The following ZC3H12C variants were observed in gnomAD, a reference collection of about 807,000 sequenced individuals.
ZC3H12C encodes the protein zinc finger CCCH-type containing 12C.
ZC3H12C carries 20 observed loss-of-function variants against 76.3 expected under a neutral mutation model. That is an observed-to-expected ratio of 0.26 (90% confidence interval 0.18 to 0.38). The LOEUF is 0.38. ZC3H12C is among the 10% of genes least tolerant of loss of function. The pLI, the probability that ZC3H12C is intolerant of heterozygous loss-of-function variation, is 1.00. For synonymous variants in ZC3H12C, 352 were observed against 399.6 expected, an observed-to-expected ratio of 0.88 and a Z score of 1.42; for missense variants, 874 against 1,086.5, an observed-to-expected ratio of 0.80 and a Z score of 2.75.
At chr11:110,119,004 T>C (rs1253064422) in intron 1 of ZC3H12C, among the ~76,000 whole-genome samples, 1 of 152,132 alleles carries the variant, frequency 6.6e-6, no homozygotes, top group Non-Finnish European at 1.5e-5. Flanking sequence ...TTAAAACTTG[T>C]CAAAGCAATT....
intron 1 of ZC3H12C, among the ~76,000 whole-genome samples, chr11:110,129,214 A>G (rs1861814931): frequency 6.6e-6 from 1 of 152,210 alleles, no homozygotes; most frequent in Non-Finnish European, 1.5e-5. Flanking sequence ...CATTTTTAGA[A>G]TGGCATACAT....
chr11:110,162,632 C>T (rs1027455548), intron 4 of ZC3H12C, among the ~76,000 whole-genome samples: 4 of 152,182 alleles, frequency 2.6e-5, no homozygotes, highest in African/African-American at 4.8e-5. Flanking sequence ...AACTGAGAAG[C>T]GCATTCAAAT....
At chr11:110,150,727 G>A (rs1426758263) in intron 2 of ZC3H12C, among the ~76,000 whole-genome samples, 1 of 151,824 alleles carries the variant, frequency 6.6e-6, no homozygotes, top group Admixed American at 6.6e-5. Context: ...CTTATTAAAT[G>A]TTTTCTTCTT....
At chr11:110,110,155 A>C (rs1861401729) in intron 1 of ZC3H12C, among the ~76,000 whole-genome samples, 3 of 152,146 alleles carry the variant, frequency 2.0e-5, no homozygotes, top group African/African-American at 7.2e-5. Flanking sequence ...AGGCCTGTGG[A>C]TAGGAGAAAT....
intron 1 of ZC3H12C, among the ~76,000 whole-genome samples, chr11:110,115,272 GTTTA>G (rs1019075323): frequency 5.9e-5 from 9 of 151,332 alleles, no homozygotes; most frequent in South Asian, 2.1e-4. Context: ...CACCCAGCTA[GTTTA>G]TTTATTTTTA....
intron 2 of ZC3H12C, among the ~76,000 whole-genome samples, chr11:110,145,414 C>G (rs1272066385): frequency 6.6e-6 from 1 of 152,158 alleles, no homozygotes; most frequent in East Asian, 1.9e-4. Flanking sequence ...TTTAGCTCTC[C>G]TAATTTCCAG....
At chr11:110,139,933 ATATATTT>A (rs1862040382) in intron 2 of ZC3H12C, among the ~76,000 whole-genome samples, 1 of 140,972 alleles carries the variant, frequency 7.1e-6, no homozygotes. Context: ...CAGTGGCATG[ATATATTT>A]TCTTAAATGA....
Position 110,165,503 on chromosome 11 carries a change from G to T in ZC3H12C, c.2418G>T (p.Gln806His). 1 of 1,613,978 alleles carries T rather than the reference G, an allele frequency of 6.2e-7. No homozygotes were observed. The highest frequency in any genetic ancestry group is 8.5e-7 in the Non-Finnish European group (1 of 1,179,878). ...PDNSTQPCYE[Q>H]FTFQSLPEQQ... ...ACTCCACACAGCCGTGTTATGAGCA[G>T]TTCACCTTCCAGAGCCTCCCTGAGC... is the stretch of plus-strand genomic sequence containing the variant. Residue 806 changes from glutamine (Q) to histidine (H), a missense_variant, in exon 6 of 6, where the codon CAG (glutamine) becomes CAT (histidine). Transcript: ENST00000278590.
intron 1 of ZC3H12C, among the ~76,000 whole-genome samples, chr11:110,117,758 TAC>T (rs149449800): frequency 0.37 from 49,140 of 132,754 alleles, 9,884 homozygotes; most frequent in East Asian, 0.67. Context: ...ATATTATATA[TAC>T]ACACACACAT....
chr11:110,151,572 C>A (rs955591302), intron 2 of ZC3H12C, among the ~76,000 whole-genome samples: 2 of 152,158 alleles, frequency 1.3e-5, no homozygotes, highest in African/African-American at 4.8e-5. Flanking sequence ...TCTAGAGATA[C>A]CATTTTCTAC....
intron 3 of ZC3H12C, among the ~76,000 whole-genome samples, chr11:110,157,035 C>T (rs1032037948): frequency 2.0e-5 from 3 of 151,888 alleles, no homozygotes; most frequent in East Asian, 1.9e-4. Context: ...AAAAATTAGC[C>T]GGGCATGGTG....
chr11:110,157,215 C>T (rs12292417), intron 3 of ZC3H12C, among the ~76,000 whole-genome samples: 8,172 of 151,562 alleles, frequency 0.054, 742 homozygotes, highest in African/African-American at 0.19. Context: ...GCAGTTACAT[C>T]TATTGAACAA....
intron 1 of ZC3H12C, among the ~76,000 whole-genome samples, chr11:110,130,441 T>G (rs1162385764): frequency 1.3e-5 from 2 of 152,234 alleles, no homozygotes; most frequent in Non-Finnish European, 1.5e-5. Flanking sequence ...CATTTTCCAC[T>G]ATTTCCAGGG....
rs1026607 is a variant in ZC3H12C at position 110,164,576 on chromosome 11, A to G, written c.1491A>G (p.Thr497=). The G allele has an allele frequency of 0.25, 404,885 of 1,613,784 alleles. 51,518 individuals carry two copies. The highest frequency in any genetic ancestry group is 0.35 in the Middle Eastern group (2,108 of 6,062). Residue 497 remains threonine, a synonymous_variant, in exon 6 of 6, where the codon ACA becomes ACG. Coordinates refer to ENST00000278590, the MANE Select transcript of ZC3H12C (RefSeq NM_033390.2). This position sits in a 1 kb window ranked among gnomAD's most constrained non-coding sequence, Gnocchi z 5.7. ...PKRQSDPSIR[T]QVYQDLEEKL... ...GGCAATCAGATCCAAGCATAAGGAC[A>G]CAAGTCTACCAAGACCTAGAAGAAA...
intron 1 of ZC3H12C, among the ~76,000 whole-genome samples, chr11:110,110,840 A>C (rs1323262180): frequency 6.6e-6 from 1 of 152,252 alleles, no homozygotes; most frequent in African/African-American, 2.4e-5. Context: ...ACAAATTAGA[A>C]AGATATTCTG....
rs369647657 is a variant in ZC3H12C at position 110,165,263 on chromosome 11, C to G, written c.2178C>G (p.Pro726=). 11 of 1,613,910 alleles carry G rather than the reference C, an allele frequency of 6.8e-6. No individual in the cohort carries two copies. In the African/African-American group the frequency reaches 1.3e-4, roughly 20 times the overall value. The change falls in exon 6 of 6, where the codon CCC becomes CCG. Residue 726 remains proline, a synonymous_variant. Transcript: ENST00000278590. ...GARSSCPGDY[P]SPPSSAHSKA... ...GGTCCAGCTGTCCTGGCGACTACCC[C>G]TCTCCTCCAAGTTCAGCACACTCTA...
chr11:110,120,025 T>C (rs1423213329), intron 1 of ZC3H12C, among the ~76,000 whole-genome samples: 13 of 152,232 alleles, frequency 8.5e-5, no homozygotes, highest in African/African-American at 2.9e-4. Context: ...CTAAGACGCC[T>C]TCCCTGATTT....
intron 1 of ZC3H12C, among the ~76,000 whole-genome samples, chr11:110,123,206 A>G (rs1565254369): frequency 6.6e-6 from 1 of 152,176 alleles, no homozygotes; most frequent in Non-Finnish European, 1.5e-5. Flanking sequence ...CTTCCCATAC[A>G]CTAGCTGCCT....
At chr11:110,099,704 C>T (rs954156126) in intron 1 of ZC3H12C, among the ~76,000 whole-genome samples, 1 of 151,526 alleles carries the variant, frequency 6.6e-6, no homozygotes, top group African/African-American at 2.4e-5. Flanking sequence ...ACCAACTACT[C>T]GGGAGGCTGT....
Sources: gnomAD v4.1 joint callset for allele counts (sites outside exome capture counted in the v4.1 genomes callset) on GRCh38, gnomAD v4.1.1 for gene constraint, Gnocchi (gnomAD v3.1) non-coding constraint, MANE v1.5 for transcripts, NCBI Gene and HGNC (gene_info 2026-07-23, HGNC 2026-07-21) for gene names.